Variants in POMZP3 observed in about 807,000 individuals in gnomAD.
POMZP3 encodes the protein POM121 and ZP3 fusion.
A neutral mutation model predicts 19.8 loss-of-function variants in POMZP3; 10 were observed. The observed-to-expected ratio is 0.51, with a 90% CI of 0.31 to 0.86. The LOEUF is 0.86. Among genes scored for constraint, POMZP3 ranks in the 40% least tolerant of loss-of-function variants. The pLI is 0.04. For missense variants in POMZP3, 152 were observed against 228.1 expected, an observed-to-expected ratio of 0.67 and a Z score of 2.15; for synonymous variants, 57 against 85.8, an observed-to-expected ratio of 0.66 and a Z score of 1.85.
At position 76,611,750 on chromosome 7, in the gene POMZP3, C is replaced by A; in HGVS notation, c.409G>T (p.Ala137Ser). The change falls in exon 5 of 7, where the codon GCC (alanine) becomes TCC (serine). Residue 137 changes from alanine (A) to serine (S), a missense_variant. Physicochemically the swap from Ala to Ser is moderately conservative, Grantham distance 99 (BLOSUM62 1). Transcript: ENST00000310842. ...AEQDPDELNKACSFSKPSNSW... is the reference protein window; with the variant it reads ...AEQDPDELNKSCSFSKPSNSW... ...TTGGAAGGCTTGCTGAAGGAACAGG[C>A]CTTGTTGAGTTCATCTGGGTCCTGC... 6.5e-7 allele frequency: 1 copy of A among 1,548,574 alleles called. No homozygotes were observed. The highest frequency in any genetic ancestry group is 2.2e-5 in the East Asian group (1 of 44,780).
rs1815926735 is a variant in POMZP3, at chr7:76,626,782, C to CGGGGAG, written c.-227_-226insCTCCCC. On this transcript the variant is annotated 5_prime_UTR_variant, in exon 1 of 7. Coordinates refer to ENST00000310842, the MANE Select transcript of POMZP3 (RefSeq NM_012230.5). ...GGTAAAAGTGGTGAACGCGATGGGT[C>CGGGGAG]GGCGGGGAGGGCGGTGTGGAGCGCG... is the stretch of plus-strand genomic sequence containing the variant. The CGGGGAG allele has an allele frequency of 7.6e-7, 1 of 1,311,816 alleles. No homozygotes were observed. Among genetic ancestry groups the CGGGGAG allele is most frequent in the African/African-American group, 1.7e-5 (1 of 57,228 alleles). The allele number at this position is 1,311,816 out of a possible 1,614,324, so 81.3% of individuals were successfully genotyped here.
rs1408921518 is a variant in POMZP3 at position 76,626,201 on chromosome 7, A to G, written c.-137T>C. ...AGGTGTTATTACAAACCGATCTGGT[A>G]AAGTCCCACGATCCCTGCAGAGAAT... On this transcript the variant is annotated 5_prime_UTR_variant, in exon 2 of 7. Coordinates refer to ENST00000310842, the MANE Select transcript of POMZP3 (RefSeq NM_012230.5). The G allele has an allele frequency of 5.8e-5, 91 of 1,560,678 alleles. No homozygotes were observed. The highest frequency in any genetic ancestry group is 7.0e-5 in the Non-Finnish European group (81 of 1,151,394).
chr7:76,618,424 C>G (rs1469733582), intron 3 of POMZP3, 124 bp from the exon 4 acceptor site: 2 of 944,504 alleles, frequency 2.1e-6, no homozygotes, highest in African/African-American at 3.2e-5. Flanking sequence ...GAGTTCGAGA[C>G]TAGCCTGGCA....
Position 76,626,168 on chromosome 7 carries a change from C to G in POMZP3, c.-104G>C, listed in dbSNP as rs566633573. The G allele has an allele frequency of 2.7e-5, 43 of 1,594,692 alleles. No homozygotes were observed. In the African/African-American group the frequency reaches 3.5e-4, roughly 13 times the overall value. On this transcript the variant is annotated 5_prime_UTR_variant, in exon 2 of 7. Coordinates refer to ENST00000310842, the MANE Select transcript of POMZP3 (RefSeq NM_012230.5). ...ATACTGGGCCTGATGGATCGGATAG[C>G]GTCTTCGAGGTGTTATTACAAACCG...
chr7:76,622,876 T>C (rs189030366), intron 3 of POMZP3, among the ~76,000 whole-genome samples: 1 of 152,028 alleles, frequency 6.6e-6, no homozygotes, highest in Admixed American at 6.6e-5. Flanking sequence ...AAATTCCTTT[T>C]TTTTTTTCTT....
intron 3 of POMZP3, chr7:76,618,622 A>T (rs375926951): frequency 0.029 from 9,328 of 318,476 alleles, 598 homozygotes; most frequent in African/African-American, 0.18. Context: ...CGGTCTGAAA[A>T]AAAGAAAAAA....
chr7:76,623,067 G>T (rs1815660553), intron 3 of POMZP3, among the ~76,000 whole-genome samples: 1 of 150,908 alleles, frequency 6.6e-6, no homozygotes, highest in African/African-American at 2.4e-5. Flanking sequence ...AGATGGAGTT[G>T]CACTATGTTG....
intron 3 of POMZP3, among the ~76,000 whole-genome samples, chr7:76,624,683 T>C (rs1406472276): frequency 3.4e-5 from 5 of 148,350 alleles, no homozygotes; most frequent in Non-Finnish European, 1.5e-5. Flanking sequence ...TGACCTCAGG[T>C]GATCCACCTG....
Position 76,611,360 on chromosome 7 carries a change from T to C in POMZP3, c.*11+94A>G, listed in dbSNP as rs1799211. 14,945 of 1,081,646 alleles carry C rather than the reference T, an allele frequency of 0.014. 1,152 individuals carry two copies. In the East Asian group the frequency reaches 0.15, roughly 11 times the overall value. The allele number at this position is 1,081,646 out of a possible 1,614,324, so 67.0% of individuals were successfully genotyped here. ...CCTAGGTACAAACAGTTTTAATGGA[T>C]GACAAGGGAAAATACCATCACCCTG... On this transcript the variant is annotated intron_variant, in intron 6 of 6. Coordinates refer to ENST00000310842, the MANE Select transcript of POMZP3 (RefSeq NM_012230.5).
Position 76,627,090 on chromosome 7 carries a change from G to A in POMZP3, c.-534C>T, listed in dbSNP as rs1359407004. On this transcript the variant is annotated 5_prime_UTR_variant, in exon 1 of 7. Transcript: ENST00000310842. ...CGCGGCTCAGTCCCCACCAGGCCGCGGTAGTCCCCACGGCCAGCCAGGCCA... is the reference window on the plus strand; with the variant it reads ...CGCGGCTCAGTCCCCACCAGGCCGCAGTAGTCCCCACGGCCAGCCAGGCCA... The A allele has an allele frequency of 1.1e-5, 15 of 1,353,648 alleles. No individual in the cohort carries two copies. Among genetic ancestry groups the A allele is most frequent in the Middle Eastern group, 2.6e-4 (1 of 3,892 alleles). The allele number at this position is 1,353,648 out of a possible 1,614,324, so 83.9% of individuals were successfully genotyped here. A position where few individuals can be genotyped will look rare whatever the true frequency, so the allele number is the denominator to read the frequency against.
Position 76,615,879 on chromosome 7 carries a change from C to A in POMZP3, c.345+2304G>T, listed in dbSNP as rs1171855793. ...CCTACAATCTCAGCTACTTGGGAGG[C>A]TAAGGCAGGAGAATCGCTTGAGCCT... On this transcript the variant is annotated intron_variant, in intron 4 of 6. Transcript: ENST00000310842. Among the ~76,000 whole-genome samples the A allele has an allele frequency of 6.3e-5, 5 of 79,004 alleles. 1 individual carries two copies. The highest frequency in any genetic ancestry group is 9.8e-5 in the Non-Finnish European group (4 of 41,014). 51.8% of individuals were successfully genotyped at this position (79,004 alleles called of 152,430 possible). A position where few individuals can be genotyped will look rare whatever the true frequency, so the allele number is the denominator to read the frequency against.
chr7:76,615,246 T>C (rs1815249059), intron 4 of POMZP3, among the ~76,000 whole-genome samples: 3 of 98,122 alleles, frequency 3.1e-5, no homozygotes. Context: ...CCCCATCTTC[T>C]TCCCAAATGG....
chr7:76,627,029 G>C lies in POMZP3; in HGVS notation c.-473C>G, dbSNP rs1184016773. 3 of 1,331,714 alleles carry C rather than the reference G, an allele frequency of 2.3e-6. No homozygotes were observed. The highest frequency in any genetic ancestry group is 2.7e-5 in the East Asian group (1 of 36,592). The allele number at this position is 1,331,714 out of a possible 1,614,324, so 82.5% of individuals were successfully genotyped here. On this transcript the variant is annotated 5_prime_UTR_variant, in exon 1 of 7. An upstream open reading frame in the 5' UTR gains an earlier in-frame stop. Transcript: ENST00000310842. ...AGTGTTCGCCGATGTCGCGCCTTCT[G>C]AACGAAGGAGGACAAGGGGCGCGAA...
intron 3 of POMZP3, among the ~76,000 whole-genome samples, chr7:76,624,370 G>A (rs372436906): frequency 5.9e-5 from 9 of 151,838 alleles, no homozygotes; most frequent in Admixed American, 1.3e-4. Context: ...TCAACATGGC[G>A]AAACCCACTT....
At chr7:76,625,209 G>T (rs1269205514) in intron 3 of POMZP3, among the ~76,000 whole-genome samples, 1 of 147,022 alleles carries the variant, frequency 6.8e-6, no homozygotes, top group Non-Finnish European at 1.5e-5. Flanking sequence ...CCGACCAGAA[G>T]ACTTAGAGCC....
Position 76,611,596 on chromosome 7 carries a change from G to A in POMZP3, c.438-5C>T, listed in dbSNP as rs1815109371. On this transcript the variant is annotated splice_region_variant and splice_polypyrimidine_tract_variant and intron_variant, in intron 5 of 6. Coordinates refer to ENST00000310842, the MANE Select transcript of POMZP3 (RefSeq NM_012230.5). ...AGGCCTTCCACTGGGAACCAGCTGAGATGAAAGAGAAGCAGCTTAGATTTT... is the reference window on the plus strand; with the variant it reads ...AGGCCTTCCACTGGGAACCAGCTGAAATGAAAGAGAAGCAGCTTAGATTTT... 6.3e-7 allele frequency: 1 copy of A among 1,595,402 alleles called. No homozygotes were observed. Among genetic ancestry groups the A allele is most frequent in the Non-Finnish European group, 8.6e-7 (1 of 1,166,710 alleles).
intron 1 of POMZP3, 182 bp from the exon 2 acceptor site, chr7:76,626,397 C>T (rs1815902284): frequency 1.1e-5 from 7 of 626,088 alleles, no homozygotes; most frequent in Non-Finnish European, 1.9e-5. Flanking sequence ...AGAGTGACAG[C>T]TGCTTAACAG....
At chr7:76,618,334 C>A (rs763904832) in intron 3 of POMZP3, 34 bp from the exon 4 acceptor site, 1 of 1,613,594 alleles carries the variant, frequency 6.2e-7, no homozygotes, top group Non-Finnish European at 8.5e-7. Context: ...TAAAGCCAGA[C>A]AGGTGGGCCG....
intron 6 of POMZP3, 77 bp downstream of exon 6, chr7:76,611,377 A>C (rs1043613797): frequency 2.1e-5 from 27 of 1,309,842 alleles, no homozygotes; most frequent in Non-Finnish European, 2.7e-5. Flanking sequence ...GGAAAATACC[A>C]TCACCCTGAA....
Sources: allele counts gnomAD v4.1 joint callset (sites outside exome capture counted in the v4.1 genomes callset), GRCh38; gene constraint gnomAD v4.1.1; transcripts MANE v1.5; gene names NCBI Gene and HGNC (gene_info 2026-07-23, HGNC 2026-07-21).